RAB6A: variants seen among roughly 807,000 people sequenced by gnomAD.
RAB6A encodes the protein ras-related protein Rab-6A.
A neutral mutation model predicts 32.3 loss-of-function variants in RAB6A; 8 were observed. That is an observed-to-expected ratio of 0.25 (90% confidence interval 0.15 to 0.45). The LOEUF (loss-of-function observed/expected upper bound fraction) is 0.45. RAB6A is among the 20% of genes least tolerant of loss of function. The pLI, the probability that RAB6A is intolerant of heterozygous loss-of-function variation, is 1.00. For synonymous variants in RAB6A, 73 were observed against 82.1 expected (o/e 0.89, Z 0.60); for missense variants, 104 against 249.4 (o/e 0.42, Z 3.93).
At position 73,676,737 on chromosome 11, in the gene RAB6A, C is replaced by G. The variant is rs868416949; in HGVS notation, c.*1161G>C. The stretch of plus-strand genomic sequence containing the variant: ...CTGCCTCTAGGGGCTTACAAGAAAA[C>G]GGTTTCCGGTTTCCGTCTTCAATTT... On this transcript the variant is annotated 3_prime_UTR_variant, in exon 8 of 8. Transcript: ENST00000336083. The G allele has an allele frequency of 1.2e-5, 2 of 167,170 alleles. No individual in the cohort carries two copies. Among genetic ancestry groups the G allele is most frequent in the African/African-American group, 4.8e-5 (2 of 41,568 alleles). The allele number at this position is 167,170 out of a possible 1,614,324, so 10.4% of individuals were successfully genotyped here. A position where few individuals can be genotyped will look rare whatever the true frequency, so the allele number is the denominator to read the frequency against.
At chr11:73,727,723 T>C (rs190747224) in intron 2 of RAB6A, among the ~76,000 whole-genome samples, 1 of 152,300 alleles carries the variant, frequency 6.6e-6, no homozygotes. Flanking sequence ...GAAAAATACA[T>C]ACTAAGAGGA....
rs56270679 is a variant in RAB6A at position 73,685,885 on chromosome 11, CAAAAAAAAA to C, written c.496-6174_496-6166del. 8.4e-4 allele frequency among the ~76,000 whole-genome samples: 87 copies of C among 102,980 alleles called. 1 individual carries two copies. Among genetic ancestry groups the C allele is most frequent in the Admixed American group, 2.8e-3 (28 of 9,958 alleles). The allele number at this position is 102,980 out of a possible 152,430, so 67.6% of individuals were successfully genotyped here. A position where few individuals can be genotyped will look rare whatever the true frequency, so the allele number is the denominator to read the frequency against. ...AGGCAACAAGAGTGAAACTCCGTCT[CAAAAAAAAA>C]AAAAAAAAAAAAAAGCAGCTTTATT... On this transcript the variant is annotated intron_variant, in intron 6 of 7. Coordinates refer to ENST00000336083, the MANE Select transcript of RAB6A (RefSeq NM_198896.2).
chr11:73,735,700 TTAAATACG>T (rs1298405704), intron 1 of RAB6A, among the ~76,000 whole-genome samples: 1 of 152,068 alleles, frequency 6.6e-6, no homozygotes, highest in Non-Finnish European at 1.5e-5. Context: ...AGAAATAAAT[TTAAATACG>T]TAACTCTACT....
intron 5 of RAB6A, among the ~76,000 whole-genome samples, 168 bp downstream of exon 5, chr11:73,716,083 G>A (rs572291636): frequency 6.1e-4 from 93 of 152,290 alleles, no homozygotes; most frequent in African/African-American, 2.2e-3. Context: ...AGGACTGGCT[G>A]TTTAATATTT....
intron 5 of RAB6A, among the ~76,000 whole-genome samples, chr11:73,710,021 C>G (rs1333259335): frequency 6.8e-6 from 1 of 147,906 alleles, no homozygotes; most frequent in Admixed American, 6.8e-5. Context: ...TGAAGTGGCA[C>G]GATCTCGGCT....
chr11:73,744,561 C>T (rs1946554587), intron 1 of RAB6A, among the ~76,000 whole-genome samples: 1 of 140,884 alleles, frequency 7.1e-6, no homozygotes, highest in South Asian at 2.2e-4. Context: ...TTTTAGATGG[C>T]AGCAGGACTT....
In RAB6A at chr11:73,760,968, G is replaced by A. The variant is rs557340468; in HGVS notation, c.-333C>T. 4.1e-4 allele frequency: 112 copies of A among 275,974 alleles called. 1 individual carries two copies. Among genetic ancestry groups the A allele is most frequent in the Admixed American group, 7.0e-4 (13 of 18,648 alleles). The allele number at this position is 275,974 out of a possible 1,614,324, so 17.1% of individuals were successfully genotyped here. On this transcript the variant is annotated 5_prime_UTR_variant, in exon 1 of 8. Coordinates refer to ENST00000336083, the MANE Select transcript of RAB6A (RefSeq NM_198896.2). ...ACTCGGCTCCCAGACCTGGGGAAGA[G>A]AAGCTGAGGGTGGCGGAGCCGGAAC...
In RAB6A at chr11:73,753,353, T is replaced by C. The variant is rs1309157100; in HGVS notation, c.70+7213A>G. ...ATGGGATTACAGATGCACGCCATCA[T>C]GCCCAGCTAATTTTTTGTATTTTAG... On this transcript the variant is annotated intron_variant, in intron 1 of 7. Coordinates refer to ENST00000336083, the MANE Select transcript of RAB6A (RefSeq NM_198896.2). Among the ~76,000 whole-genome samples the C allele has an allele frequency of 4.6e-5, 7 of 152,116 alleles. No individual in the cohort carries two copies. In the East Asian group the frequency reaches 1.4e-3, roughly 30 times the overall value.
intron 1 of RAB6A, among the ~76,000 whole-genome samples, chr11:73,731,717 TATATATATATATATACAC>T (rs1221929353): frequency 0.089 from 1,338 of 15,114 alleles, 86 homozygotes; most frequent in African/African-American, 0.2. Context: ...TATATATATA[TATATATATATATATACAC>T]ACACACACAC....
chr11:73,751,652 G>T (rs1004376147), intron 1 of RAB6A, among the ~76,000 whole-genome samples: 1 of 152,184 alleles, frequency 6.6e-6, no homozygotes, highest in Admixed American at 6.5e-5. Context: ...AAGAAAAACG[G>T]GGTTTCTGTA....
intron 5 of RAB6A, among the ~76,000 whole-genome samples, chr11:73,709,902 CACAT>C (rs200215057): frequency 0.013 from 1,870 of 146,346 alleles, 22 homozygotes; most frequent in Non-Finnish European, 0.018. Flanking sequence ...TATATACACA[CACAT>C]ATATACATAT....
At chr11:73,755,120 G>T (rs942525228) in intron 1 of RAB6A, among the ~76,000 whole-genome samples, 2 of 151,484 alleles carry the variant, frequency 1.3e-5, no homozygotes, top group Non-Finnish European at 2.9e-5. Flanking sequence ...TAGTAGAGAC[G>T]GGGTTTCACC....
chr11:73,698,159 T>C (rs1945683755), intron 6 of RAB6A, among the ~76,000 whole-genome samples: 2 of 152,282 alleles, frequency 1.3e-5, no homozygotes, highest in Admixed American at 1.3e-4. Context: ...AGGCAGAGAT[T>C]GCAGTGAGCC....
At chr11:73,756,832 C>A (rs1946758020) in intron 1 of RAB6A, among the ~76,000 whole-genome samples, 1 of 152,008 alleles carries the variant, frequency 6.6e-6, no homozygotes, top group East Asian at 1.9e-4. Context: ...CGCCACCACG[C>A]CCAGCTAGTT....
intron 6 of RAB6A, among the ~76,000 whole-genome samples, chr11:73,686,109 G>A (rs564289558): frequency 6.6e-6 from 1 of 152,198 alleles, no homozygotes; most frequent in Non-Finnish European, 1.5e-5. Context: ...GGGGGTTGGG[G>A]GAGACCTTTT....
At chr11:73,723,279 A>C (rs1946169281) in intron 2 of RAB6A, among the ~76,000 whole-genome samples, 1 of 144,226 alleles carries the variant, frequency 6.9e-6, no homozygotes, top group Admixed American at 6.9e-5. Context: ...CCTTCCAAAT[A>C]CTGGGGGGGA....
At position 73,722,973 on chromosome 11, in the gene RAB6A, C is replaced by G. The variant is rs1401955221; in HGVS notation, c.130-2074G>C. Among the ~76,000 whole-genome samples, 5 of 151,990 alleles carry G rather than the reference C, an allele frequency of 3.3e-5. No individual in the cohort carries two copies. The South Asian group carries it at 1.0e-3, about 32-fold the overall frequency. On this transcript the variant is annotated intron_variant, in intron 2 of 7. Coordinates refer to ENST00000336083, the MANE Select transcript of RAB6A (RefSeq NM_198896.2). Reference sequence around the variant, plus strand: ...AGGCATTCACCACCAAGCCCAGCTACTTTTTGTATTTTTAGTAGAGATGGG... The same window carrying G: ...AGGCATTCACCACCAAGCCCAGCTAGTTTTTGTATTTTTAGTAGAGATGGG...
Position 73,727,597 on chromosome 11 carries a change from GC to G in RAB6A, c.129+3167del, listed in dbSNP as rs1202970756. 2.6e-5 allele frequency among the ~76,000 whole-genome samples: 4 copies of G among 152,036 alleles called. No individual in the cohort carries two copies. The East Asian group carries it at 7.7e-4, about 29-fold the overall frequency. Reference sequence around the variant, plus strand: ...GTAGAACTAAGACATAAATAAAGGTGCTTCCAACTCTAAGGCTCATTACATA... The same window carrying G: ...GTAGAACTAAGACATAAATAAAGGTGTTCCAACTCTAAGGCTCATTACATA... On this transcript the variant is annotated intron_variant, in intron 2 of 7. Transcript: ENST00000336083.
At chr11:73,695,462 C>T (rs374022232) in intron 6 of RAB6A, among the ~76,000 whole-genome samples, 1 of 152,154 alleles carries the variant, frequency 6.6e-6, no homozygotes, top group South Asian at 2.1e-4. Context: ...TCACTGCAAC[C>T]TCTGCCTCCC....
Sources: allele counts gnomAD v4.1 joint callset (sites outside exome capture counted in the v4.1 genomes callset), GRCh38; gene constraint gnomAD v4.1.1; transcripts MANE v1.5; gene names NCBI Gene and HGNC (gene_info 2026-07-23, HGNC 2026-07-21).